Variants in FBXL13 observed in about 807,000 individuals in gnomAD.
The protein encoded by FBXL13 is F-box and leucine rich repeat protein 13.
A neutral mutation model predicts 83.6 loss-of-function variants in FBXL13; 67 were observed. The ratio of observed to expected loss-of-function variants is 0.80; its 90% CI spans 0.66 to 0.98. The LOEUF (loss-of-function observed/expected upper bound fraction) is 0.98, where lower values mean the gene tolerates loss of function less well. Among genes scored for constraint, FBXL13 ranks in the 50% least tolerant of loss-of-function variants. FBXL13 has a pLI of 0.00. For missense variants in FBXL13, 822 were observed against 866.5 expected (o/e 0.95, Z 0.64); for synonymous variants, 272 against 299.5 (o/e 0.91, Z 0.95).
intron 6 of FBXL13, among the ~76,000 whole-genome samples, chr7:103,020,734 T>C (rs1403720140): frequency 6.6e-6 from 1 of 152,208 alleles, no homozygotes; most frequent in South Asian, 2.1e-4. Flanking sequence ...CCATTCACAA[T>C]TGCTTCAAAG....
At chr7:102,970,523 C>A (rs1826521618) in intron 6 of FBXL13, among the ~76,000 whole-genome samples, 1 of 152,028 alleles carries the variant, frequency 6.6e-6, no homozygotes, top group South Asian at 2.1e-4. Context: ...GGACATTTGG[C>A]AGAAATAAAT....
Position 102,934,196 on chromosome 7 carries a change from A to G in FBXL13, c.725-2263T>C, listed in dbSNP as rs1385052517. On this transcript the variant is annotated intron_variant, in intron 8 of 19. Transcript: ENST00000313221. ...GCTGCTAGCAAGAAACAAGATCCGC[A>G]CATTGAAGAACAACATGTTTTCCAA... 2 of 1,614,134 alleles carry G rather than the reference A, an allele frequency of 1.2e-6. No individual in the cohort carries two copies. Among genetic ancestry groups the G allele is most frequent in the Admixed American group, 3.3e-5 (2 of 60,004 alleles).
chr7:102,922,918 C>A (rs1480349226), intron 10 of FBXL13, among the ~76,000 whole-genome samples: 1 of 152,064 alleles, frequency 6.6e-6, no homozygotes, highest in African/African-American at 2.4e-5. Context: ...GCGGAGCTTG[C>A]AGTGAGCTGA....
chr7:102,821,046 A>G (rs959301459), intron 19 of FBXL13, among the ~76,000 whole-genome samples: 1 of 152,220 alleles, frequency 6.6e-6, no homozygotes, highest in Non-Finnish European at 1.5e-5. Context: ...ATATAATCAA[A>G]AAATTAGAAG....
chr7:103,011,855 G>C (rs905036363), intron 6 of FBXL13, among the ~76,000 whole-genome samples: 1 of 152,086 alleles, frequency 6.6e-6, no homozygotes, highest in Non-Finnish European at 1.5e-5. Flanking sequence ...TATGTAAACA[G>C]ACCAAATCTA....
intron 8 of FBXL13, among the ~76,000 whole-genome samples, chr7:102,946,523 G>A (rs937049841): frequency 4.0e-5 from 6 of 151,198 alleles, no homozygotes; most frequent in African/African-American, 1.5e-4. Flanking sequence ...CAGTTGGCAG[G>A]AGAAAGTCTT....
At chr7:102,976,134 G>T in intron 6 of FBXL13, 2 of 766,424 alleles carry the variant, frequency 2.6e-6, no homozygotes, top group Admixed American at 1.7e-5. Flanking sequence ...CTCGGATCTC[G>T]TCAGCCTTGC....
intron 17 of FBXL13, among the ~76,000 whole-genome samples, chr7:102,848,721 C>T (rs1430833864): frequency 2.0e-5 from 3 of 151,984 alleles, no homozygotes; most frequent in Non-Finnish European, 2.9e-5. Context: ...AGGCCAGGCA[C>T]GGCGCCTCAC....
In FBXL13 at chr7:102,995,314, T is replaced by C. The variant is rs1829987645; in HGVS notation, c.496-27197A>G. On this transcript the variant is annotated intron_variant, in intron 6 of 19. Coordinates refer to ENST00000313221, the Ensembl canonical transcript of FBXL13. Reference sequence around the variant, plus strand: ...GGCTAACATGGTGAAACCCCATCTCTACTAAAAATACAAAAAATTAGCTGG... The same window carrying C: ...GGCTAACATGGTGAAACCCCATCTCCACTAAAAATACAAAAAATTAGCTGG... 2.0e-5 allele frequency among the ~76,000 whole-genome samples: 3 copies of C among 151,184 alleles called. No homozygotes were observed. The South Asian group carries it at 6.3e-4, about 32-fold the overall frequency.
chr7:102,820,712 T>C (rs1228855277), intron 19 of FBXL13, among the ~76,000 whole-genome samples: 1 of 152,206 alleles, frequency 6.6e-6, no homozygotes, highest in Non-Finnish European at 1.5e-5. Flanking sequence ...TATCATCCCA[T>C]GGCAGGAAAG....
chr7:103,023,435 C>CA (rs1435556959), intron 6 of FBXL13, among the ~76,000 whole-genome samples: 3 of 152,092 alleles, frequency 2.0e-5, no homozygotes, highest in Admixed American at 6.5e-5. Context: ...AAATCTCACA[C>CA]CAGTTAGAAT....
At position 103,016,865 on chromosome 7, in the gene FBXL13, G is replaced by A. The variant is rs529627357; in HGVS notation, c.495+8198C>T. On this transcript the variant is annotated intron_variant, in intron 6 of 19. Transcript: ENST00000313221. The stretch of plus-strand genomic sequence containing the variant: ...GGTAGAGCCCACCACAGCTCCAGGA[G>A]GCCTACCTGCCTCTGTAGACTCCAC... Among the ~76,000 whole-genome samples, 1,374 of 152,316 alleles carry A rather than the reference G, an allele frequency of 9.0e-3. 9 individuals are homozygous for A. The highest frequency in any genetic ancestry group is 0.016 in the Non-Finnish European group (1,098 of 68,022).
At chr7:102,852,025 C>T (rs932652053) in intron 17 of FBXL13, among the ~76,000 whole-genome samples, 2 of 152,138 alleles carry the variant, frequency 1.3e-5, no homozygotes, top group African/African-American at 4.8e-5. Flanking sequence ...ATTTTTCAAA[C>T]TCCCCCAACT....
intron 11 of FBXL13, among the ~76,000 whole-genome samples, chr7:102,886,095 G>A (rs1415473643): frequency 6.6e-6 from 1 of 152,172 alleles, no homozygotes; most frequent in African/African-American, 2.4e-5. Context: ...GGCAGAGAGT[G>A]TCCGAAATAA....
chr7:102,947,640 T>G (rs1305275213), intron 8 of FBXL13, among the ~76,000 whole-genome samples: 1 of 152,204 alleles, frequency 6.6e-6, no homozygotes, highest in Non-Finnish European at 1.5e-5. Flanking sequence ...TCTTGTAACT[T>G]GCCTTTGGAT....
rs1001565658 is a variant in FBXL13, at chr7:103,041,501, C to G, written c.1-12083G>C. ...GCTAGCATCATCCTGATACAAAAGC[C>G]TGATAGAGACAAAACTAAAAAAGAG... On this transcript the variant is annotated intron_variant, in intron 2 of 19. Coordinates refer to ENST00000313221, the Ensembl canonical transcript of FBXL13. Among the ~76,000 whole-genome samples the G allele has an allele frequency of 2.6e-5, 4 of 152,280 alleles. No individual in the cohort carries two copies. The East Asian group carries it at 7.7e-4, about 29-fold the overall frequency.
At chr7:103,026,148 T>G (rs755745952) in intron 5 of FBXL13, among the ~76,000 whole-genome samples, 7 of 152,208 alleles carry the variant, frequency 4.6e-5, no homozygotes, top group African/African-American at 1.7e-4. Flanking sequence ...TTTGTTTGTT[T>G]GTTTTTTGAG....
chr7:102,883,662 A>G (rs1047148272), exon 13 of FBXL13: 1 of 1,608,760 alleles, frequency 6.2e-7, no homozygotes, highest in Non-Finnish European at 8.5e-7. Flanking sequence ...GCGATGTAAT[A>G]CGAGAGCATT....
At chr7:103,039,690 GA>G (rs1279511873) in intron 2 of FBXL13, among the ~76,000 whole-genome samples, 1 of 152,094 alleles carries the variant, frequency 6.6e-6, no homozygotes, top group Non-Finnish European at 1.5e-5. Flanking sequence ...TTAAAGAAAA[GA>G]ATTTTCAACC....
Sources: allele counts gnomAD v4.1 joint callset (sites outside exome capture counted in the v4.1 genomes callset), GRCh38; gene constraint gnomAD v4.1.1; transcripts MANE v1.5; gene names NCBI Gene and HGNC (gene_info 2026-07-23, HGNC 2026-07-21).